Variants in INTS6 observed in about 807,000 individuals in gnomAD.
INTS6 encodes DEAD box protein.
Under a neutral mutation model 104.9 loss-of-function variants are expected in INTS6, and 16 were observed. That is an observed-to-expected ratio of 0.15 (90% confidence interval 0.10 to 0.23). The LOEUF (loss-of-function observed/expected upper bound fraction) is 0.23, where lower values mean the gene tolerates loss of function less well. Among genes scored for constraint, INTS6 ranks in the 10% least tolerant of loss-of-function variants. INTS6 has a pLI of 1.00. For synonymous variants in INTS6, 324 were observed against 358.7 expected (o/e 0.90, Z 1.09); for missense variants, 584 against 1,062.8 (o/e 0.55, Z 6.26).
At chr13:51,370,853 A>G (rs1234462350) in intron 15 of INTS6, among the ~76,000 whole-genome samples, 1 of 152,168 alleles carries the variant, frequency 6.6e-6, no homozygotes, top group African/African-American at 2.4e-5. Flanking sequence ...AGGGGCACAG[A>G]TGTTCCTTAT....
intron 12 of INTS6, among the ~76,000 whole-genome samples, chr13:51,377,561 TG>T (rs925885481): frequency 6.6e-6 from 1 of 152,152 alleles, no homozygotes. Flanking sequence ...TTGTTCCATT[TG>T]TTTAAAAGAC....
At position 51,389,561 on chromosome 13, in the gene INTS6, A is replaced by G. The variant is rs183503684; in HGVS notation, c.614-117T>C. Reference sequence around the variant, plus strand: ...TGTGGGGTTTCTGACAGTACTAATTAACAAAAGTTCAATGGTAAAAGTTGA... The same window carrying G: ...TGTGGGGTTTCTGACAGTACTAATTGACAAAAGTTCAATGGTAAAAGTTGA... On this transcript the variant is annotated intron_variant, in intron 5 of 17. Transcript: ENST00000311234. 5.8e-4 allele frequency: 550 copies of G among 940,714 alleles called. 5 individuals carry two copies. In the East Asian group the frequency reaches 0.016, roughly 28 times the overall value. 58.3% of individuals were successfully genotyped at this position (940,714 alleles called of 1,614,324 possible).
Position 51,363,422 on chromosome 13 carries a change from C to T in INTS6, c.*2330G>A, listed in dbSNP as rs996547398. The stretch of plus-strand genomic sequence containing the variant: ...GTTATGGAAGAGTTTAGAAATGAGT[C>T]TCAGCCTTCATTATTTCCAACTGAC... On this transcript the variant is annotated 3_prime_UTR_variant, in exon 18 of 18. Transcript: ENST00000311234. 1.3e-5 allele frequency: 2 copies of T among 151,724 alleles called. No homozygotes were observed. Among genetic ancestry groups the T allele is most frequent in the African/African-American group, 4.8e-5 (2 of 41,348 alleles). 9.4% of individuals were successfully genotyped at this position (151,724 alleles called of 1,614,324 possible).
intron 3 of INTS6, chr13:51,436,766 T>A (rs1566248580): frequency 6.6e-6 from 1 of 152,194 alleles, no homozygotes; most frequent in African/African-American, 2.4e-5. Flanking sequence ...ATATTAATAA[T>A]TTGGCAGAAT....
At chr13:51,409,722 T>C (rs1956647948) in intron 4 of INTS6, among the ~76,000 whole-genome samples, 1 of 152,110 alleles carries the variant, frequency 6.6e-6, no homozygotes, top group Non-Finnish European at 1.5e-5. Flanking sequence ...GCTTCTAGAT[T>C]TCAAGACAAG....
chr13:51,390,848 A>G (rs1251781816), intron 5 of INTS6, among the ~76,000 whole-genome samples: 2 of 152,062 alleles, frequency 1.3e-5, no homozygotes, highest in East Asian at 1.9e-4. Context: ...CACTGTTCCA[A>G]TCATTTTATG....
At chr13:51,367,573 C>G (rs2137856305) in intron 17 of INTS6, among the ~76,000 whole-genome samples, 1 of 152,082 alleles carries the variant, frequency 6.6e-6, no homozygotes, top group East Asian at 1.9e-4. Flanking sequence ...CTCCAAGTAT[C>G]CAGTAATTTG....
At chr13:51,450,371 T>C (rs1299651406) in intron 3 of INTS6, 3 of 985,270 alleles carry the variant, frequency 3.0e-6, no homozygotes, top group Non-Finnish European at 3.6e-6. Flanking sequence ...TAAAAGGACT[T>C]GTGGGGGTTA....
At chr13:51,414,366 T>A (rs546835806) in intron 4 of INTS6, among the ~76,000 whole-genome samples, 1 of 152,324 alleles carries the variant, frequency 6.6e-6, no homozygotes, top group East Asian at 1.9e-4. Context: ...CTAAAAAATA[T>A]ACCTTGCCAG....
chr13:51,357,964 T>C (rs1955505998), downstream of INTS6, among the ~76,000 whole-genome samples: 1 of 152,138 alleles, frequency 6.6e-6, no homozygotes, highest in African/African-American at 2.4e-5. Flanking sequence ...AAACCAGAGT[T>C]GTTTGGTTGA....
intron 4 of INTS6, among the ~76,000 whole-genome samples, chr13:51,406,961 A>C (rs942539395): frequency 4.0e-5 from 6 of 150,862 alleles, no homozygotes; most frequent in Non-Finnish European, 7.4e-5. Flanking sequence ...TGTGTGGCCC[A>C]AGACAATTGT....
At chr13:51,399,723 C>CGTGT (rs1255845541) in intron 4 of INTS6, among the ~76,000 whole-genome samples, 1 of 117,212 alleles carries the variant, frequency 8.5e-6, no homozygotes, top group Non-Finnish European at 2.1e-5. Flanking sequence ...TGTGTGTGTG[C>CGTGT]GTGTGTGTGC....
intron 4 of INTS6, among the ~76,000 whole-genome samples, chr13:51,409,263 A>AAATAAT (rs57913744): frequency 0.01 from 1,367 of 135,936 alleles, 14 homozygotes; most frequent in South Asian, 0.013. Flanking sequence ...AATCCGTCTC[A>AAATAAT]AATAATAATA....
intron 3 of INTS6, chr13:51,438,429 T>C (rs986093541): frequency 1.3e-5 from 2 of 152,104 alleles, no homozygotes; most frequent in Admixed American, 1.3e-4. Flanking sequence ...ATGCACTTCA[T>C]GAAGAAGCAG....
At chr13:51,376,006 G>A in intron 13 of INTS6, 42 bp downstream of exon 13, 2 of 1,532,572 alleles carry the variant, frequency 1.3e-6, no homozygotes, top group East Asian at 2.3e-5. Flanking sequence ...AGACTATAAA[G>A]AAAAAAAATT....
intron 3 of INTS6, among the ~76,000 whole-genome samples, chr13:51,432,985 TCC>T (rs1957123845): frequency 6.6e-6 from 1 of 152,144 alleles, no homozygotes; most frequent in Non-Finnish European, 1.5e-5. Context: ...AACCAAGAGG[TCC>T]TAATAGCTTC....
intron 4 of INTS6, chr13:51,423,230 A>G (rs1956926723): frequency 2.7e-6 from 1 of 364,730 alleles, no homozygotes; most frequent in Non-Finnish European, 4.9e-6. Context: ...AATCTAACGA[A>G]TTCATTCTGG....
chr13:51,375,395 G>GT (rs906037366), intron 13 of INTS6, among the ~76,000 whole-genome samples: 1 of 148,970 alleles, frequency 6.7e-6, no homozygotes, highest in Non-Finnish European at 1.5e-5. Flanking sequence ...CGTGAAAGAT[G>GT]TATCTCTTCT....
chr13:51,350,328 C>T (rs1232008287), downstream of INTS6, among the ~76,000 whole-genome samples: 1 of 152,002 alleles, frequency 6.6e-6, no homozygotes, highest in African/African-American at 2.4e-5. Context: ...ATGAGGGACG[C>T]TTAGCATACT....
Sources: allele counts gnomAD v4.1 joint callset (sites outside exome capture counted in the v4.1 genomes callset), GRCh38; gene constraint gnomAD v4.1.1; transcripts MANE v1.5; gene names NCBI Gene and HGNC (gene_info 2026-07-23, HGNC 2026-07-21).